The following UBE2E2 variants were observed in gnomAD, a reference collection of about 807,000 sequenced individuals.
UBE2E2 encodes the protein ubiquitin conjugating enzyme E2 E2.
In UBE2E2, 6 loss-of-function variants were observed where a neutral mutation model predicts 24.7. The observed-to-expected ratio is 0.24, with a 90% confidence interval of 0.13 to 0.48. The LOEUF (loss-of-function observed/expected upper bound fraction) is 0.48. UBE2E2 is among the 20% of genes least tolerant of loss of function. The pLI, the probability that UBE2E2 is intolerant of heterozygous loss-of-function variation, is 0.99. For missense variants in UBE2E2, 169 were observed against 245.0 expected, an observed-to-expected ratio of 0.69 and a Z score of 2.07; for synonymous variants, 104 against 83.6, an observed-to-expected ratio of 1.24 and a Z score of -1.33.
chr3:23,525,895 G>A (rs1694985410), intron 4 of UBE2E2, among the ~76,000 whole-genome samples: 1 of 152,160 alleles, frequency 6.6e-6, no homozygotes, highest in Admixed American at 6.5e-5. Flanking sequence ...TCTCCTTCTG[G>A]CAGTTGCAAA....
intron 3 of UBE2E2, among the ~76,000 whole-genome samples, chr3:23,291,849 ATTTTTTTTTTTTTTTT>A (rs57708620): frequency 7.8e-5 from 5 of 64,054 alleles, no homozygotes; most frequent in Non-Finnish European, 1.0e-4. Context: ...TGCCCGGCTA[ATTTTTTTTTTTTTTTT>A]TTTTTTTTTT....
At chr3:23,448,359 G>A (rs1698479248) in intron 3 of UBE2E2, among the ~76,000 whole-genome samples, 1 of 152,048 alleles carries the variant, frequency 6.6e-6, no homozygotes, top group Non-Finnish European at 1.5e-5. Context: ...ATATACTCTG[G>A]AACTACTTTT....
intron 4 of UBE2E2, among the ~76,000 whole-genome samples, chr3:23,519,295 T>C (rs1224287893): frequency 1.3e-5 from 2 of 152,116 alleles, no homozygotes; most frequent in Non-Finnish European, 2.9e-5. Context: ...TGCTTATACA[T>C]TATCATTTTT....
intron 3 of UBE2E2, among the ~76,000 whole-genome samples, chr3:23,243,077 C>T (rs1251807506): frequency 4.7e-5 from 7 of 147,770 alleles, no homozygotes; most frequent in South Asian, 4.3e-4. Flanking sequence ...CAGAGTGAGA[C>T]GCTGTTTCAA....
At chr3:23,276,397 AT>A (rs1463030052) in intron 3 of UBE2E2, among the ~76,000 whole-genome samples, 1 of 152,154 alleles carries the variant, frequency 6.6e-6, no homozygotes, top group East Asian at 1.9e-4. Context: ...TGACTGAAAA[AT>A]TCTAATATAT....
chr3:23,354,000 C>T (rs1438233455), intron 3 of UBE2E2, among the ~76,000 whole-genome samples: 2 of 152,174 alleles, frequency 1.3e-5, no homozygotes, highest in Non-Finnish European at 2.9e-5. Flanking sequence ...TACAAGGCTA[C>T]AGTAACCAAA....
chr3:23,319,946 C>T (rs893448489), intron 3 of UBE2E2, among the ~76,000 whole-genome samples: 7 of 152,118 alleles, frequency 4.6e-5, no homozygotes, highest in Non-Finnish European at 7.3e-5. Context: ...TAGCTGAGAT[C>T]CCTAAGATCT....
intron 3 of UBE2E2, among the ~76,000 whole-genome samples, chr3:23,224,565 G>A (rs1464540791): frequency 6.6e-6 from 1 of 150,680 alleles, no homozygotes; most frequent in Admixed American, 6.6e-5. Flanking sequence ...TTTTGGTAGA[G>A]TCTTTAGGTT....
At chr3:23,500,916 A>G (rs945697134) in intron 4 of UBE2E2, among the ~76,000 whole-genome samples, 5 of 152,170 alleles carry the variant, frequency 3.3e-5, no homozygotes, top group African/African-American at 1.2e-4. Flanking sequence ...TTCTTCCTAC[A>G]TTACACAATA....
intron 5 of UBE2E2, among the ~76,000 whole-genome samples, chr3:23,579,611 G>T (rs762878517): frequency 6.7e-6 from 1 of 148,610 alleles, no homozygotes; most frequent in African/African-American, 2.5e-5. Flanking sequence ...GATACAGGAG[G>T]ATCACTTGAG....
chr3:23,328,736 A>T (rs993750739), intron 3 of UBE2E2, among the ~76,000 whole-genome samples: 4 of 149,806 alleles, frequency 2.7e-5, no homozygotes, highest in African/African-American at 4.9e-5. Flanking sequence ...ATCTTGACTC[A>T]TTGCAACCTC....
At chr3:23,368,014 C>T (rs2359761) in intron 3 of UBE2E2, among the ~76,000 whole-genome samples, 127,965 of 151,762 alleles carry the variant, frequency 0.84, 54,070 homozygotes, top group African/African-American at 0.91. Context: ...ATGGTCGATA[C>T]ACATATAGAT....
intron 4 of UBE2E2, among the ~76,000 whole-genome samples, chr3:23,506,962 T>C (rs1274339747): frequency 6.6e-6 from 1 of 152,212 alleles, no homozygotes; most frequent in Non-Finnish European, 1.5e-5. Context: ...TGTGTCAGAT[T>C]ATGTAAATTA....
intron 3 of UBE2E2, among the ~76,000 whole-genome samples, chr3:23,269,281 G>GA (rs1698164554): frequency 6.6e-6 from 1 of 152,170 alleles, no homozygotes; most frequent in African/African-American, 2.4e-5. Context: ...CAAAATGGGA[G>GA]AAAATTTTCA....
At chr3:23,306,551 C>A (rs753153501) in intron 3 of UBE2E2, among the ~76,000 whole-genome samples, 28 of 152,142 alleles carry the variant, frequency 1.8e-4, no homozygotes, top group Non-Finnish European at 3.5e-4. Flanking sequence ...CCAATCAAAA[C>A]AAAGAGGTAA....
chr3:23,259,654 G>A (rs1018113509), intron 3 of UBE2E2, among the ~76,000 whole-genome samples: 2 of 151,976 alleles, frequency 1.3e-5, no homozygotes, highest in African/African-American at 4.8e-5. Context: ...TTACATGTGT[G>A]AATATAACAT....
chr3:23,531,128 G>A (rs958516442), intron 4 of UBE2E2, among the ~76,000 whole-genome samples: 10 of 152,088 alleles, frequency 6.6e-5, no homozygotes, highest in South Asian at 6.2e-4. Flanking sequence ...TCTCTTGTTC[G>A]ACAACCACAT....
intron 3 of UBE2E2, among the ~76,000 whole-genome samples, chr3:23,452,271 G>A (rs1447367993): frequency 6.6e-6 from 1 of 152,092 alleles, no homozygotes; most frequent in Non-Finnish European, 1.5e-5. Context: ...ACATTTACTT[G>A]TCAGCAAGAG....
intron 2 of UBE2E2, among the ~76,000 whole-genome samples, chr3:23,212,692 T>A (rs1279548816): frequency 2.0e-5 from 3 of 152,130 alleles, no homozygotes; most frequent in African/African-American, 7.2e-5. Flanking sequence ...CGTCTAAGTT[T>A]GTTTTCCACA....
Sources: gnomAD v4.1 joint callset for allele counts (sites outside exome capture counted in the v4.1 genomes callset) on GRCh38, gnomAD v4.1.1 for gene constraint, MANE v1.5 for transcripts, NCBI Gene and HGNC (gene_info 2026-07-23, HGNC 2026-07-21) for gene names.